Variants in TEAD1 observed in about 807,000 individuals in gnomAD.
The protein encoded by TEAD1 is TEA domain transcription factor 1.
A neutral mutation model predicts 54.9 loss-of-function variants in TEAD1; 9 were observed. The observed-to-expected ratio is 0.16, with a 90% confidence interval of 0.10 to 0.29. The LOEUF is 0.29. Among genes scored for constraint, TEAD1 ranks in the 10% least tolerant of loss-of-function variants. TEAD1 has a pLI of 1.00. For missense variants in TEAD1, 387 were observed against 535.9 expected, an observed-to-expected ratio of 0.72 and a Z score of 2.74; for synonymous variants, 200 against 187.8, an observed-to-expected ratio of 1.07 and a Z score of -0.53.
chr11:12,849,532 G>C (rs1947225011), intron 3 of TEAD1: 2 of 152,170 alleles, frequency 1.3e-5, no homozygotes, highest in African/African-American at 4.8e-5. Context: ...CCTTCAGCAT[G>C]TTTTCTAAGC....
intron 10 of TEAD1, among the ~76,000 whole-genome samples, chr11:12,914,691 C>A (rs1032090412): frequency 4.1e-5 from 6 of 146,904 alleles, no homozygotes; most frequent in Non-Finnish European, 7.7e-5. Context: ...CTCCAGACCT[C>A]CCCCTTCTCT....
chr11:12,836,401 C>CA (rs1471329182), intron 3 of TEAD1, among the ~76,000 whole-genome samples: 2 of 141,092 alleles, frequency 1.4e-5, no homozygotes, highest in African/African-American at 5.3e-5. Context: ...GCCTGGGTGA[C>CA]AGAGCGAGAC....
intron 11 of TEAD1, among the ~76,000 whole-genome samples, chr11:12,929,360 C>G (rs1211590145): frequency 1.3e-5 from 2 of 150,802 alleles, no homozygotes; most frequent in Non-Finnish European, 3.0e-5. Context: ...TTTTAAATTT[C>G]TATTTCATTG....
At chr11:12,836,003 A>G (rs1412015019) in intron 3 of TEAD1, among the ~76,000 whole-genome samples, 1 of 152,204 alleles carries the variant, frequency 6.6e-6, no homozygotes, top group Non-Finnish European at 1.5e-5. Flanking sequence ...TCACAAAGAA[A>G]TGATAAGAAT....
chr11:12,884,690 G>A (rs968087241), intron 9 of TEAD1, among the ~76,000 whole-genome samples: 16 of 152,328 alleles, frequency 1.1e-4, no homozygotes, highest in African/African-American at 3.8e-4. Flanking sequence ...AATGAGGGAA[G>A]GAATGTAAAT....
intron 2 of TEAD1, among the ~76,000 whole-genome samples, chr11:12,746,701 G>T (rs1218035590): frequency 1.3e-5 from 2 of 152,100 alleles, no homozygotes; most frequent in Non-Finnish European, 2.9e-5. Context: ...CCTACACTTG[G>T]CCCGCATGCG....
chr11:12,855,804 C>G (rs900959925), intron 3 of TEAD1, among the ~76,000 whole-genome samples: 4 of 151,774 alleles, frequency 2.6e-5, no homozygotes, highest in African/African-American at 9.7e-5. Flanking sequence ...TAAGAATTAG[C>G]CAGGTGTGGT....
chr11:12,692,654 C>A (rs966363797), intron 2 of TEAD1, among the ~76,000 whole-genome samples: 1 of 152,308 alleles, frequency 6.6e-6, no homozygotes, highest in East Asian at 1.9e-4. Context: ...CCGTAATTCA[C>A]AAGGCAGGCT....
chr11:12,709,087 C>T (rs1454250330), intron 2 of TEAD1, among the ~76,000 whole-genome samples: 3 of 152,094 alleles, frequency 2.0e-5, no homozygotes, highest in African/African-American at 7.2e-5. Context: ...CCTGTAATCC[C>T]AGCACTTTGG....
rs1268963366 is a variant in TEAD1 at position 12,725,387 on chromosome 11, CAT to C, written c.-54-38791_-54-38790del. On this transcript the variant is annotated intron_variant, in intron 2 of 12. Transcript: ENST00000527636. ...AAATATATAAATTCTCTTCAAGAGT[CAT>C]GTGAGAGTTTGACAGCGGACTAGAG... Among the ~76,000 whole-genome samples the C allele has an allele frequency of 9.2e-5, 14 of 152,162 alleles. 1 individual carries two copies. Among genetic ancestry groups the C allele is most frequent in the Admixed American group, 2.6e-4 (4 of 15,292 alleles).
intron 5 of TEAD1, among the ~76,000 whole-genome samples, chr11:12,870,643 C>T (rs1299063537): frequency 6.6e-6 from 1 of 152,062 alleles, no homozygotes; most frequent in African/African-American, 2.4e-5. Flanking sequence ...CCTAGCACTT[C>T]GGGAGGCCGA....
chr11:12,850,340 G>A (rs980291400), intron 3 of TEAD1, among the ~76,000 whole-genome samples: 1 of 152,208 alleles, frequency 6.6e-6, no homozygotes, highest in Non-Finnish European at 1.5e-5. Context: ...GGAGGCTGAG[G>A]CAGGAGAACA....
intron 9 of TEAD1, among the ~76,000 whole-genome samples, chr11:12,886,538 A>G (rs1181520748): frequency 1.3e-5 from 2 of 152,228 alleles, no homozygotes; most frequent in Non-Finnish European, 2.9e-5. Flanking sequence ...TGAACAAAAC[A>G]AAGTTCTTTT....
chr11:12,823,033 G>GT (rs1946583395), intron 3 of TEAD1, among the ~76,000 whole-genome samples: 1 of 151,994 alleles, frequency 6.6e-6, no homozygotes, highest in South Asian at 2.1e-4. Context: ...TTGTTTTTTT[G>GT]TTTTTTACAT....
chr11:12,871,739 T>G (rs561226936), intron 5 of TEAD1, among the ~76,000 whole-genome samples: 1 of 152,296 alleles, frequency 6.6e-6, no homozygotes, highest in East Asian at 1.9e-4. Context: ...CCACCTCTGG[T>G]TCACTTCTCG....
chr11:12,879,800 G>A lies in TEAD1; in HGVS notation c.423G>A (p.Gly141=), dbSNP rs376738111. 4.3e-6 allele frequency: 7 copies of A among 1,614,098 alleles called. No homozygotes were observed. In the East Asian group the frequency reaches 6.7e-5, roughly 15 times the overall value. ...CCACTGCCATTCATAACAAGCTGGGGCTGCCTGGGATTCCACGCCCGACCT... is the reference window on the plus strand; with the variant it reads ...CCACTGCCATTCATAACAAGCTGGGACTGCCTGGGATTCCACGCCCGACCT... The change falls in exon 6 of 13, where the codon GGG becomes GGA. Residue 141 remains glycine, a synonymous_variant. Coordinates refer to ENST00000527636, the MANE Select transcript of TEAD1 (RefSeq NM_021961.6).
intron 3 of TEAD1, among the ~76,000 whole-genome samples, chr11:12,850,554 A>G (rs1042507317): frequency 6.6e-6 from 1 of 152,216 alleles, no homozygotes; most frequent in African/African-American, 2.4e-5. Flanking sequence ...TTTTACAGGT[A>G]AGGAAATAGA....
chr11:12,937,627 T>C lies in TEAD1; in HGVS notation c.*405T>C, dbSNP rs1325960210. 1 of 154,258 alleles carries C rather than the reference T, an allele frequency of 6.5e-6. No individual in the cohort carries two copies. Among genetic ancestry groups the C allele is most frequent in the Non-Finnish European group, 1.4e-5 (1 of 69,044 alleles). The allele number at this position is 154,258 out of a possible 1,614,324, so 9.6% of individuals were successfully genotyped here. ...GCCTTTATACAAATGTATTTAGTTC[T>C]CTTTTTTCCAACATAAAATTCTTGT... On this transcript the variant is annotated 3_prime_UTR_variant, in exon 13 of 13. Coordinates refer to ENST00000527636, the MANE Select transcript of TEAD1 (RefSeq NM_021961.6).
In TEAD1 at chr11:12,864,865, A is replaced by G; in HGVS notation, c.295A>G (p.Arg99Gly). The G allele has an allele frequency of 6.2e-7, 1 of 1,614,120 alleles. No individual in the cohort carries two copies. The highest frequency in any genetic ancestry group is 8.5e-7 in the Non-Finnish European group (1 of 1,180,014). Reference sequence around the variant, plus strand: ...GTCTAGTCACATTCAGGTTCTTGCCAGAAGGAAATCTCGTGATTTTCATTC... The same window carrying G: ...GTCTAGTCACATTCAGGTTCTTGCCGGAAGGAAATCTCGTGATTTTCATTC... The change falls in exon 5 of 13, where the codon AGA becomes GGA. Residue 99 changes from arginine to glycine, a missense_variant. By Grantham distance (125) the Arg-to-Gly change is moderately radical. Coordinates refer to ENST00000527636, the MANE Select transcript of TEAD1 (RefSeq NM_021961.6).
Sources: gnomAD v4.1 joint callset for allele counts (sites outside exome capture counted in the v4.1 genomes callset) on GRCh38, gnomAD v4.1.1 for gene constraint, MANE v1.5 for transcripts, NCBI Gene and HGNC (gene_info 2026-07-23, HGNC 2026-07-21) for gene names.